Variants in GALNT10 observed in about 807,000 individuals in gnomAD.
The protein encoded by GALNT10 is polypeptide N-acetylgalactosaminyltransferase 10.
In GALNT10, 41 loss-of-function variants were observed where a neutral mutation model predicts 75.0. The observed-to-expected ratio is 0.55, with a 90% confidence interval of 0.43 to 0.71. The LOEUF (loss-of-function observed/expected upper bound fraction) is 0.71, where lower values mean the gene tolerates loss of function less well. Among genes scored for constraint, GALNT10 ranks in the 30% least tolerant of loss-of-function variants. The pLI is 0.00. For missense variants in GALNT10, 727 were observed against 818.5 expected, an observed-to-expected ratio of 0.89 and a Z score of 1.36; for synonymous variants, 302 against 313.0, an observed-to-expected ratio of 0.96 and a Z score of 0.37.
At chr5:154,287,644 T>A (rs1449880524) in intron 1 of GALNT10, 7 of 152,262 alleles carry the variant, frequency 4.6e-5, no homozygotes, top group Non-Finnish European at 1.0e-4. Flanking sequence ...CATAGCTGTT[T>A]GTGGAGGCCA....
intron 4 of GALNT10, chr5:154,349,859 A>G (rs909229899): frequency 2.2e-4 from 34 of 152,384 alleles, no homozygotes; most frequent in African/African-American, 7.9e-4. Flanking sequence ...TAGAAGAACC[A>G]TAAGCCCTGG....
chr5:154,297,112 G>T (rs559350559), intron 2 of GALNT10, among the ~76,000 whole-genome samples: 2 of 152,256 alleles, frequency 1.3e-5, no homozygotes, highest in South Asian at 2.1e-4. Flanking sequence ...AGCTACTATT[G>T]CAGGGGTCGA....
chr5:154,274,385 C>T (rs11167667), intron 1 of GALNT10, among the ~76,000 whole-genome samples: 55,358 of 152,076 alleles, frequency 0.36, 12,085 homozygotes, highest in East Asian at 0.76. Context: ...CTGCTGCTTA[C>T]TTATGCTACT....
intron 1 of GALNT10, among the ~76,000 whole-genome samples, chr5:154,290,913 G>A (rs1190381149): frequency 2.0e-5 from 3 of 151,850 alleles, no homozygotes; most frequent in Non-Finnish European, 2.9e-5. Flanking sequence ...GATGGCTGAG[G>A]ACTCTAGCAG....
chr5:154,295,507 A>T (rs1754260144), intron 2 of GALNT10, among the ~76,000 whole-genome samples: 1 of 152,158 alleles, frequency 6.6e-6, no homozygotes. Context: ...CCTACCTAAC[A>T]CTGCAGCCAT....
At position 154,416,814 on chromosome 5, in the gene GALNT10, G is replaced by A; in HGVS notation, c.1654G>A (p.Asp552Asn). 1.2e-6 allele frequency: 2 copies of A among 1,612,358 alleles called. No homozygotes were observed. Among genetic ancestry groups the A allele is most frequent in the Middle Eastern group, 1.7e-4 (1 of 6,058 alleles). The change falls in exon 12 of 12, where the codon GAC (aspartate) becomes AAC (asparagine). Residue 552 changes from aspartate to asparagine, a missense_variant and splice_region_variant. Asp to Asn is a conservative substitution (Grantham distance 23, BLOSUM62 1). Coordinates refer to ENST00000297107, the MANE Select transcript of GALNT10 (RefSeq NM_198321.4). The surrounding 1 kb of genome is among the most constrained non-coding windows in gnomAD (Gnocchi z 4.5). ...KGNQLWKYRKDKTLYHPVSGS... is the reference protein window; with the variant it reads ...KGNQLWKYRKNKTLYHPVSGS... ...GGCTTATTACCTCCATGTTTTGTAG[G>A]ACAAGACCCTGTACCACCCTGTCAG...
chr5:154,282,278 G>A (rs1445517268), intron 1 of GALNT10, among the ~76,000 whole-genome samples: 2 of 152,108 alleles, frequency 1.3e-5, no homozygotes. Flanking sequence ...CATCTTAAAG[G>A]TTCCACCTCC....
Position 154,416,707 on chromosome 5 carries a change from TAGTC to T in GALNT10, c.1654-97_1654-94del, listed in dbSNP as rs1245643442. The T allele has an allele frequency of 8.6e-6, 7 of 814,926 alleles. No homozygotes were observed. The highest frequency in any genetic ancestry group is 3.4e-5 in the African/African-American group (2 of 59,574). 50.5% of individuals were successfully genotyped at this position (814,926 alleles called of 1,614,324 possible). On this transcript the variant is annotated intron_variant, in intron 11 of 11. Transcript: ENST00000297107. This position sits in a 1 kb window ranked among gnomAD's most constrained non-coding sequence, Gnocchi z 4.5. ...GAAAACCAACAGGTGTATGAACAGC[TAGTC>T]AGTCAGTCACTTCCTCACTTTCTCA...
intron 1 of GALNT10, among the ~76,000 whole-genome samples, chr5:154,274,280 G>C (rs182730260): frequency 6.6e-6 from 1 of 152,296 alleles, no homozygotes; most frequent in Admixed American, 6.5e-5. Context: ...AACTGAACCT[G>C]GGGCTTTGAT....
At chr5:154,223,432 A>C (rs192574869) in intron 1 of GALNT10, among the ~76,000 whole-genome samples, 5 of 152,326 alleles carry the variant, frequency 3.3e-5, no homozygotes, top group Non-Finnish European at 7.3e-5. Context: ...CTTTGGGCTA[A>C]ATTGCCTCTC....
intron 4 of GALNT10, among the ~76,000 whole-genome samples, chr5:154,342,669 C>T (rs1368028737): frequency 1.3e-5 from 2 of 152,148 alleles, no homozygotes; most frequent in African/African-American, 4.8e-5. Context: ...ACGCATGGCC[C>T]TTCTAGGAGG....
chr5:154,221,633 A>C (rs575919425), intron 1 of GALNT10, among the ~76,000 whole-genome samples: 19 of 152,274 alleles, frequency 1.2e-4, no homozygotes, highest in African/African-American at 4.3e-4. Flanking sequence ...AGGAAAAAAA[A>C]CCACAGGAAT....
At chr5:154,396,316 C>T (rs533932163) in intron 7 of GALNT10, among the ~76,000 whole-genome samples, 4 of 152,150 alleles carry the variant, frequency 2.6e-5, no homozygotes, top group South Asian at 4.1e-4. Context: ...GAATGCATTG[C>T]GGCCAGTTGT....
At chr5:154,276,180 C>T (rs193233081) in intron 1 of GALNT10, among the ~76,000 whole-genome samples, 11 of 152,254 alleles carry the variant, frequency 7.2e-5, no homozygotes, top group African/African-American at 2.6e-4. Context: ...AATGTTTCAG[C>T]CAGGCTGGGC....
At chr5:154,363,014 ATCAG>A (rs1351049890) in intron 4 of GALNT10, among the ~76,000 whole-genome samples, 4 of 152,206 alleles carry the variant, frequency 2.6e-5, no homozygotes, top group Non-Finnish European at 5.9e-5. Context: ...CAGTCTTTGT[ATCAG>A]TCAAAGTGGG....
At chr5:154,336,004 A>G (rs906546493) in intron 4 of GALNT10, among the ~76,000 whole-genome samples, 3 of 152,050 alleles carry the variant, frequency 2.0e-5, no homozygotes, top group African/African-American at 7.3e-5. Context: ...CTTTCCCTAA[A>G]CCCTGGCAAC....
chr5:154,386,618 A>C lies in GALNT10; in HGVS notation c.1056+188A>C. ...TTGTTGTGGGGTGGGGGGGTGTGGGAGGGAAGGGGAGTACTCTCCAGCTGC... is the reference window on the plus strand; with the variant it reads ...TTGTTGTGGGGTGGGGGGGTGTGGGCGGGAAGGGGAGTACTCTCCAGCTGC... On this transcript the variant is annotated intron_variant, in intron 7 of 11. Coordinates refer to ENST00000297107, the MANE Select transcript of GALNT10 (RefSeq NM_198321.4). 11 of 358,982 alleles carry C rather than the reference A, an allele frequency of 3.1e-5. 1 individual carries two copies. The highest frequency in any genetic ancestry group is 1.5e-4 in the East Asian group (2 of 13,534). The allele number at this position is 358,982 out of a possible 1,614,324, so 22.2% of individuals were successfully genotyped here.
intron 3 of GALNT10, among the ~76,000 whole-genome samples, chr5:154,306,813 T>A (rs988051835): frequency 5.9e-5 from 9 of 152,118 alleles, no homozygotes; most frequent in Admixed American, 3.3e-4. Context: ...TCTGTCTCAA[T>A]AACTGGTAAT....
chr5:154,389,256 ATATCT>A (rs1419962310), intron 7 of GALNT10: 2 of 151,572 alleles, frequency 1.3e-5, no homozygotes, highest in Non-Finnish European at 2.9e-5. Flanking sequence ...ATTTATATAA[ATATCT>A]TATAAATATT....
Sources: allele counts gnomAD v4.1 joint callset (sites outside exome capture counted in the v4.1 genomes callset), GRCh38; gene constraint gnomAD v4.1.1; non-coding constraint Gnocchi (gnomAD v3.1); transcripts MANE v1.5; gene names NCBI Gene and HGNC (gene_info 2026-07-23, HGNC 2026-07-21).